Variants in AHDC1 observed in about 807,000 individuals in gnomAD.
AHDC1 encodes transcription factor Gibbin.
AHDC1 carries 7 observed loss-of-function variants against 87.9 expected under a neutral mutation model. That is an observed-to-expected ratio of 0.08 (90% confidence interval 0.05 to 0.15). The LOEUF is 0.15. Among genes scored for constraint, AHDC1 ranks in the 10% least tolerant of loss-of-function variants. AHDC1 has a pLI of 1.00. For synonymous variants in AHDC1, 1,051 were observed against 1,006.8 expected (o/e 1.04, Z -0.83); for missense variants, 1,841 against 2,253.2 (o/e 0.82, Z 3.70).
At chr1:27,585,878 T>G (rs1045063181) in intron 3 of AHDC1, among the ~76,000 whole-genome samples, 3 of 152,248 alleles carry the variant, frequency 2.0e-5, no homozygotes, top group Admixed American at 2.0e-4. Flanking sequence ...GGCAAGTTAC[T>G]TAGCCTCTCT....
chr1:27,556,148 G>A (rs1009451133), intron 5 of AHDC1, among the ~76,000 whole-genome samples: 2 of 152,006 alleles, frequency 1.3e-5, no homozygotes, highest in Non-Finnish European at 1.5e-5. Context: ...GCCGGGAAGC[G>A]CCAGCCCACA....
At chr1:27,569,773 T>C (rs1445756093) in intron 3 of AHDC1, among the ~76,000 whole-genome samples, 27 of 152,096 alleles carry the variant, frequency 1.8e-4, no homozygotes, top group Non-Finnish European at 7.4e-5. Flanking sequence ...CACTGCCATA[T>C]TGGTTGGGGC....
intron 3 of AHDC1, among the ~76,000 whole-genome samples, chr1:27,591,765 T>A (rs2089229339): frequency 6.6e-6 from 1 of 152,214 alleles, no homozygotes; most frequent in Non-Finnish European, 1.5e-5. Context: ...TGAAGTCCTG[T>A]GCCTTTTCTC....
In AHDC1 at chr1:27,591,140, C is replaced by T. The variant is rs549469966; in HGVS notation, c.-629+12257G>A. On this transcript the variant is annotated intron_variant, in intron 3 of 8. Transcript: ENST00000673934. The stretch of plus-strand genomic sequence containing the variant: ...CCACCCCAATGGGTTCCAAAGGGAG[C>T]GGCACAACTGACACTAGGGGCTCAG... Among the ~76,000 whole-genome samples the T allele has an allele frequency of 1.4e-4, 22 of 152,324 alleles. No homozygotes were observed. The South Asian group carries it at 1.4e-3, about 10-fold the overall frequency.
Position 27,595,450 on chromosome 1 carries a change from C to CTGTGTGTGTGTG in AHDC1, c.-629+7935_-629+7946dup, listed in dbSNP as rs372265193. Reference sequence around the variant, plus strand: ...GGTTGATATGCTGAGGGTGTGATAGCTGTGTGTGTGTGTGTGTGTGATTGT... The same window carrying CTGTGTGTGTGTG: ...GGTTGATATGCTGAGGGTGTGATAGCTGTGTGTGTGTGTGTGTGTGTGTGTGTGTGTGATTGT... On this transcript the variant is annotated intron_variant, in intron 3 of 8. Transcript: ENST00000673934. The surrounding 1 kb of genome is among the most constrained non-coding windows in gnomAD (Gnocchi z 4.0). Among the ~76,000 whole-genome samples, 2,361 of 144,758 alleles carry CTGTGTGTGTGTG rather than the reference C, an allele frequency of 0.016. 67 individuals carry two copies. The highest frequency in any genetic ancestry group is 0.057 in the African/African-American group (2,203 of 38,796). The allele number at this position is 144,758 out of a possible 152,430, so 95.0% of individuals were successfully genotyped here.
chr1:27,536,810 C>T (rs1279133492), intron 8 of AHDC1, among the ~76,000 whole-genome samples: 1 of 152,122 alleles, frequency 6.6e-6, no homozygotes, highest in East Asian at 1.9e-4. Flanking sequence ...CTGCTCCCTC[C>T]AAGGGCCCCG....
At chr1:27,570,094 G>A (rs1305676885) in intron 3 of AHDC1, among the ~76,000 whole-genome samples, 3 of 151,618 alleles carry the variant, frequency 2.0e-5, no homozygotes, top group East Asian at 2.0e-4. Flanking sequence ...GGCCCCCAGC[G>A]GGTCTCAGGA....
At position 27,549,172 on chromosome 1, in the gene AHDC1, C is replaced by T. The variant is rs752525457; in HGVS notation, c.2944G>A (p.Ala982Thr). ...GGYGAGQSVF[A>T]PTKPFTGQDC... The stretch of plus-strand genomic sequence containing the variant: ...TGGCCTGTAAAGGGCTTAGTTGGGG[C>T]GAATACGCTTTGTCCGGCCCCATAG... Residue 982 changes from alanine to threonine, a missense_variant, in exon 8 of 9, where the codon GCC (alanine) becomes ACC (threonine). By Grantham distance (58) the Ala-to-Thr change is moderately conservative (BLOSUM62 0). Coordinates refer to ENST00000673934, the MANE Select transcript of AHDC1 (RefSeq NM_001371928.1). 22 of 1,575,766 alleles carry T rather than the reference C, an allele frequency of 1.4e-5. No homozygotes were observed. Among genetic ancestry groups the T allele is most frequent in the African/African-American group, 1.2e-4 (9 of 74,322 alleles).
intron 3 of AHDC1, among the ~76,000 whole-genome samples, chr1:27,603,139 G>C (rs2089583831): frequency 6.7e-6 from 1 of 149,996 alleles, no homozygotes; most frequent in Admixed American, 6.6e-5. Flanking sequence ...CAGGAAACCC[G>C]AGAACCCCCC....
At chr1:27,535,688 C>G (rs947297717) in intron 8 of AHDC1, among the ~76,000 whole-genome samples, 2 of 152,190 alleles carry the variant, frequency 1.3e-5, no homozygotes, top group African/African-American at 2.4e-5. Context: ...ACAATGCCAT[C>G]TGTGTTTGGC....
At position 27,549,927 on chromosome 1, in the gene AHDC1, T is replaced by G. The variant is rs771182017; in HGVS notation, c.2189A>C (p.Glu730Ala). Residue 730 changes from glutamate to alanine, a missense_variant, in exon 8 of 9, where the codon GAG becomes GCG. Glu to Ala is a moderately radical substitution (Grantham distance 107). Around this residue, in one of 13 missense-constraint regions of AHDC1, gnomAD observed 236 missense variants for 257.9 expected, o/e 0.92. Transcript: ENST00000673934. Reference protein sequence around the residue: ...LGHPRKRGRGEVDAVTGKPKR... With the variant: ...LGHPRKRGRGAVDAVTGKPKR... ...TGGCTTCCCAGTCACAGCGTCTACC[T>G]CCCCCCGGCCCCGTTTGCGTGGGTG... The G allele has an allele frequency of 8.7e-6, 14 of 1,612,274 alleles. No homozygotes were observed. The South Asian group carries it at 1.5e-4, about 18-fold the overall frequency.
In AHDC1 at chr1:27,588,939, GGTGA is replaced by G. The variant is rs886875034; in HGVS notation, c.-629+14454_-629+14457del. Among the ~76,000 whole-genome samples, 41 of 152,126 alleles carry G rather than the reference GGTGA, an allele frequency of 2.7e-4. 1 individual carries two copies. Among genetic ancestry groups the G allele is most frequent in the Middle Eastern group, 6.8e-3 (2 of 294 alleles). Reference sequence around the variant, plus strand: ...GACAAGAGGGAACACATGAAGGAAGGGTGAGTGAGTGAGAAACTATGTATGGGGG... The same window carrying G: ...GACAAGAGGGAACACATGAAGGAAGGGTGAGTGAGAAACTATGTATGGGGG... On this transcript the variant is annotated intron_variant, in intron 3 of 8. Coordinates refer to ENST00000673934, the MANE Select transcript of AHDC1 (RefSeq NM_001371928.1).
rs188362046 is a variant in AHDC1, at chr1:27,534,565, A to T, written c.*395T>A. 6.6e-6 allele frequency: 1 copy of T among 152,210 alleles called. No individual in the cohort carries two copies. The highest frequency in any genetic ancestry group is 6.5e-5 in the Admixed American group (1 of 15,280). The allele number at this position is 152,210 out of a possible 1,614,324, so 9.4% of individuals were successfully genotyped here. ...TTCATTTTTGTCAAACGACCTGTAG[A>T]TAAATTTCTCAGTGCATACTTGCAG... On this transcript the variant is annotated 3_prime_UTR_variant, in exon 9 of 9. Transcript: ENST00000673934.
chr1:27,597,833 C>T (rs1462026388), intron 3 of AHDC1, among the ~76,000 whole-genome samples: 1 of 152,072 alleles, frequency 6.6e-6, no homozygotes, highest in Non-Finnish European at 1.5e-5. Flanking sequence ...GTCTCTCAGC[C>T]TCCCCATCTC....
intron 3 of AHDC1, among the ~76,000 whole-genome samples, chr1:27,601,708 A>AC (rs1303416612): frequency 1.3e-5 from 2 of 151,850 alleles, no homozygotes; most frequent in African/African-American, 4.8e-5. Context: ...CAGCCTTCCT[A>AC]CCCCCCCACC....
rs1385077825 is a variant in AHDC1, at chr1:27,550,400, G to A, written c.1716C>T (p.Ala572=). Residue 572 remains alanine (A), a synonymous_variant, in exon 8 of 9, where the codon GCC becomes GCT. Transcript: ENST00000673934. Reference sequence around the variant, plus strand: ...TGGCCATGGTGGCCGCTGCCACAGTGGCTGCCTCGGCCGCCACCACAGCTG... The same window carrying A: ...TGGCCATGGTGGCCGCTGCCACAGTAGCTGCCTCGGCCGCCACCACAGCTG... ...KEPAVVAAEA[A]TVAAATMAMP... 6.2e-7 allele frequency: 1 copy of A among 1,611,976 alleles called. No individual in the cohort carries two copies. Among genetic ancestry groups the A allele is most frequent in the Non-Finnish European group, 8.5e-7 (1 of 1,178,720 alleles).
intron 8 of AHDC1, among the ~76,000 whole-genome samples, chr1:27,540,343 TA>T (rs2018846833): frequency 6.6e-6 from 1 of 151,680 alleles, no homozygotes; most frequent in Non-Finnish European, 1.5e-5. Flanking sequence ...CCCCAGGGCT[TA>T]ACCTTTCCTC....
Position 27,550,743 on chromosome 1 carries a change from G to C in AHDC1, c.1373C>G (p.Thr458Ser), listed in dbSNP as rs753634865. 1.3e-6 allele frequency: 2 copies of C among 1,585,406 alleles called. No homozygotes were observed. The highest frequency in any genetic ancestry group is 1.7e-6 in the Non-Finnish European group (2 of 1,166,472). The part of the protein sequence containing the change: ...VPELKPESSQ[T>S]PVVSTRKGKC... The stretch of plus-strand genomic sequence containing the variant: ...GCCTTTGCGGGTAGAGACCACTGGG[G>C]TCTGGGAAGATTCCGGCTTCAACTC... Residue 458 changes from threonine to serine, a missense_variant, in exon 8 of 9, where the codon ACC (threonine) becomes AGC (serine). Transcript: ENST00000673934.
intron 3 of AHDC1, among the ~76,000 whole-genome samples, chr1:27,589,486 G>A (rs2148466371): frequency 6.6e-6 from 1 of 152,322 alleles, no homozygotes; most frequent in African/African-American, 2.4e-5. Context: ...AGTACAGAGT[G>A]CCAGCATCCT....
Sources: allele counts gnomAD v4.1 joint callset (sites outside exome capture counted in the v4.1 genomes callset), GRCh38; gene constraint gnomAD v4.1.1; regional missense constraint gnomAD v4.1.1; non-coding constraint Gnocchi (gnomAD v3.1); transcripts MANE v1.5; gene names NCBI Gene and HGNC (gene_info 2026-07-23, HGNC 2026-07-21).